MYO16: variants seen among roughly 807,000 people sequenced by gnomAD.
The protein encoded by MYO16 is unconventional myosin-XVI.
A neutral mutation model predicts 205.3 loss-of-function variants in MYO16; 94 were observed. The ratio of observed to expected loss-of-function variants is 0.46; its 90% CI spans 0.39 to 0.54. The LOEUF is 0.54. MYO16 is among the 20% of genes least tolerant of loss of function. The probability of loss-of-function intolerance (pLI) is 0.00; values close to 1 mark genes in which losing one functional copy is unlikely to be tolerated. For missense variants in MYO16, 2,315 were observed against 2,387.5 expected (o/e 0.97, Z 0.63); for synonymous variants, 988 against 954.0 (o/e 1.04, Z -0.66).
chr13:108,554,848 T>TAA, the MYO16 span, among the ~76,000 whole-genome samples: 446 of 77,954 alleles, frequency 5.7e-3, 7 homozygotes, highest in East Asian at 0.023. Flanking sequence ...AGACTCTGAC[T>TAA]AAAAAAAAAA....
At chr13:108,931,477 C>T (rs761639794) in intron 16 of MYO16, among the ~76,000 whole-genome samples, 14 of 152,198 alleles carry the variant, frequency 9.2e-5, no homozygotes, top group African/African-American at 2.2e-4. Flanking sequence ...CTCTCTCCAA[C>T]GCCTTTCCTT....
At chr13:108,658,197 T>C (rs1229136729) in intron 1 of MYO16, among the ~76,000 whole-genome samples, 4 of 152,156 alleles carry the variant, frequency 2.6e-5, no homozygotes, top group Non-Finnish European at 5.9e-5. Context: ...TCATTTTGTT[T>C]GTTTGTTTTT....
chr13:109,147,797 C>T (rs945184994), intron 32 of MYO16, among the ~76,000 whole-genome samples: 1 of 152,076 alleles, frequency 6.6e-6, no homozygotes, highest in African/African-American at 2.4e-5. Flanking sequence ...CAAAGTGGGG[C>T]GCTCCTCTGC....
chr13:108,852,103 C>T (rs1465652905), intron 10 of MYO16, among the ~76,000 whole-genome samples: 1 of 152,194 alleles, frequency 6.6e-6, no homozygotes, highest in East Asian at 1.9e-4. Flanking sequence ...GTCAACGTGA[C>T]CTCTTCAAAG....
In MYO16 at chr13:108,658,388, A is replaced by G. The variant is rs139438353; in HGVS notation, c.29-7498A>G. ...TGTTTCATGTCTATTAATTAATAGC[A>G]TCATTTTATTTTCTTCCTTCTTTTT... On this transcript the variant is annotated intron_variant, in intron 1 of 34. Transcript: ENST00000457511. Among the ~76,000 whole-genome samples, 350 of 149,522 alleles carry G rather than the reference A, an allele frequency of 2.3e-3. 3 individuals are homozygous for G. Among genetic ancestry groups the G allele is most frequent in the African/African-American group, 8.0e-3 (322 of 40,378 alleles).
At chr13:109,123,414 T>A (rs1268898079) in intron 29 of MYO16, among the ~76,000 whole-genome samples, 4 of 152,138 alleles carry the variant, frequency 2.6e-5, no homozygotes, top group African/African-American at 9.7e-5. Flanking sequence ...AAATACTCTC[T>A]CTTTCACCCT....
At position 108,866,163 on chromosome 13, in the gene MYO16, C is replaced by A. The variant is rs79978171; in HGVS notation, c.1360-14C>A. The A allele has an allele frequency of 6.6e-4, 1,053 of 1,585,646 alleles. 9 individuals carry two copies. The African/African-American group carries it at 0.01, about 15-fold the overall frequency. On this transcript the variant is annotated splice_polypyrimidine_tract_variant and intron_variant, in intron 11 of 34. Transcript: ENST00000457511. ...TATATGACTCATGAACTGTTTGCATCCCTTTTTTCACAGACATTCATTGGA... is the reference window on the plus strand; with the variant it reads ...TATATGACTCATGAACTGTTTGCATACCTTTTTTCACAGACATTCATTGGA...
chr13:108,710,355 G>T (rs974595374), intron 2 of MYO16, among the ~76,000 whole-genome samples: 1 of 152,134 alleles, frequency 6.6e-6, no homozygotes, highest in Non-Finnish European at 1.5e-5. Context: ...ACTTTTGTTT[G>T]ATAAATTATA....
At chr13:109,124,903 A>G (rs1434522626) in intron 29 of MYO16, among the ~76,000 whole-genome samples, 1 of 152,236 alleles carries the variant, frequency 6.6e-6, no homozygotes, top group Non-Finnish European at 1.5e-5. Flanking sequence ...GGAGGCCTTT[A>G]TCATCAATAT....
chr13:108,623,763 T>C (rs1879625982), intron 1 of MYO16, among the ~76,000 whole-genome samples: 1 of 152,090 alleles, frequency 6.6e-6, no homozygotes, highest in African/African-American at 2.4e-5. Context: ...TTGGACTTCA[T>C]AGGAAATAGG....
chr13:109,033,511 G>C (rs1466640897), intron 23 of MYO16, among the ~76,000 whole-genome samples: 1 of 152,188 alleles, frequency 6.6e-6, no homozygotes, highest in Non-Finnish European at 1.5e-5. Flanking sequence ...GCAGGAAGGA[G>C]TTTCTCAGCT....
At chr13:109,037,176 TC>T (rs1484030853) in intron 23 of MYO16, among the ~76,000 whole-genome samples, 2 of 152,360 alleles carry the variant, frequency 1.3e-5, no homozygotes, top group African/African-American at 4.8e-5. Flanking sequence ...AGGCTCACTT[TC>T]CTTTGAATTG....
intron 3 of MYO16, among the ~76,000 whole-genome samples, chr13:108,717,262 T>C (rs1883980744): frequency 6.6e-6 from 1 of 152,120 alleles, no homozygotes; most frequent in Non-Finnish European, 1.5e-5. Context: ...AGAACTACTC[T>C]TTCTTTGATC....
At chr13:109,071,682 A>G (rs1354105326) in intron 27 of MYO16, among the ~76,000 whole-genome samples, 1 of 152,348 alleles carries the variant, frequency 6.6e-6, no homozygotes, top group Middle Eastern at 3.4e-3. Flanking sequence ...TTATTTAACA[A>G]TAGAGTAAAA....
At chr13:108,556,571 A>G in the MYO16 span, among the ~76,000 whole-genome samples, 2 of 152,146 alleles carry the variant, frequency 1.3e-5, no homozygotes, top group African/African-American at 4.8e-5. Context: ...ATATTCTCCC[A>G]TTCCATAGGT....
chr13:108,549,429 T>C, the MYO16 span, among the ~76,000 whole-genome samples: 1 of 144,358 alleles, frequency 6.9e-6, no homozygotes, highest in African/African-American at 2.5e-5. Flanking sequence ...TTTTTTTTTT[T>C]CCAGTAACGC....
chr13:108,672,824 T>G (rs573081518), intron 2 of MYO16, among the ~76,000 whole-genome samples: 1 of 152,188 alleles, frequency 6.6e-6, no homozygotes, highest in Non-Finnish European at 1.5e-5. Context: ...AGAGAGGAAG[T>G]ACATAGGGAA....
At chr13:108,874,690 CATCATCATTATT>C (rs1230332912) in intron 12 of MYO16, among the ~76,000 whole-genome samples, 122 of 96,910 alleles carry the variant, frequency 1.3e-3, no homozygotes, top group African/African-American at 3.6e-3. Flanking sequence ...ACAGTTTCAT[CATCATCATTATT>C]ATTATTATTA....
At chr13:108,676,799 A>G (rs1882231906) in intron 2 of MYO16, among the ~76,000 whole-genome samples, 1 of 152,162 alleles carries the variant, frequency 6.6e-6, no homozygotes, top group African/African-American at 2.4e-5. Flanking sequence ...TGGGAAATGT[A>G]CTTGCTTTCT....
Sources: gnomAD v4.1 joint callset for allele counts (sites outside exome capture counted in the v4.1 genomes callset) on GRCh38, gnomAD v4.1.1 for gene constraint, MANE v1.5 for transcripts, NCBI Gene and HGNC (gene_info 2026-07-23, HGNC 2026-07-21) for gene names.